AADACL2: variants seen among roughly 807,000 people sequenced by gnomAD.
The protein encoded by AADACL2 is arylacetamide deacetylase-like 2.
AADACL2 carries 23 observed loss-of-function variants against 22.3 expected under a neutral mutation model. The ratio of observed to expected loss-of-function variants is 1.03; its 90% CI spans 0.74 to 1.46. AADACL2 has a LOEUF of 1.46. Ranked by LOEUF, AADACL2 falls within the 40% of genes most tolerant of loss-of-function variation. The pLI is 0.00. For synonymous variants in AADACL2, 177 were observed against 166.2 expected, an observed-to-expected ratio of 1.07 and a Z score of -0.50; for missense variants, 472 against 482.9, an observed-to-expected ratio of 0.98 and a Z score of 0.21.
intron 1 of AADACL2, 96 bp from the exon 2 acceptor site, chr3:151,740,550 T>A (rs1713244136): frequency 1.3e-6 from 1 of 790,252 alleles, no homozygotes; most frequent in Non-Finnish European, 1.9e-6. Flanking sequence ...TTTGTTTACC[T>A]TGCTTATTTT....
intron 3 of AADACL2, among the ~76,000 whole-genome samples, chr3:151,744,569 T>C (rs886204507): frequency 1.3e-5 from 2 of 152,176 alleles, no homozygotes; most frequent in African/African-American, 2.4e-5. Flanking sequence ...TTTATATCTG[T>C]TTTGATATAA....
Position 151,740,833 on chromosome 3 carries a change from A to G in AADACL2, c.326A>G (p.Tyr109Cys), listed in dbSNP as rs147339731. Residue 109 changes from tyrosine (Y) to cysteine (C), a missense_variant, in exon 2 of 5, where the codon TAT becomes TGT. This residue lies in a region of AADACL2 where 356 missense variants were observed against 365.5 expected (regional missense o/e 0.97). Transcript: ENST00000356517. ...GAAACCCGAAGGCGAGCTGTGATAT[A>G]TTTTCATGGTGGTGGTTTTTGTTTT... Reference protein sequence around the residue: ...KSETRRRAVIYFHGGGFCFGS... With the variant: ...KSETRRRAVICFHGGGFCFGS... 749 of 1,613,842 alleles carry G rather than the reference A, an allele frequency of 4.6e-4. 6 individuals are homozygous for G. Among genetic ancestry groups the G allele is most frequent in the South Asian group, 8.1e-4 (74 of 91,070 alleles).
chr3:151,744,979 T>A (rs1713391875), intron 3 of AADACL2, among the ~76,000 whole-genome samples: 1 of 152,146 alleles, frequency 6.6e-6, no homozygotes, highest in African/African-American at 2.4e-5. Context: ...CTCTCTGGCA[T>A]ATTTAAATTT....
intron 1 of AADACL2, among the ~76,000 whole-genome samples, chr3:151,736,591 T>A (rs185553600): frequency 1.3e-5 from 2 of 152,298 alleles, no homozygotes. Context: ...TTTCTGTTCC[T>A]GTGTTAGTTT....
At chr3:151,745,113 A>G (rs1032291847) in intron 3 of AADACL2, among the ~76,000 whole-genome samples, 2 of 152,144 alleles carry the variant, frequency 1.3e-5, no homozygotes, top group African/African-American at 4.8e-5. Flanking sequence ...CACTGCCTAC[A>G]ATATGCTCTC....
At chr3:151,756,951 T>C in intron 4 of AADACL2, 41 bp from the exon 5 acceptor site, 1 of 1,516,104 alleles carries the variant, frequency 6.6e-7, no homozygotes, top group Non-Finnish European at 8.8e-7. Flanking sequence ...CCTGGTATTT[T>C]GGAAATGTTT....
At position 151,757,126 on chromosome 3, in the gene AADACL2, C is replaced by T. The variant is rs767498608; in HGVS notation, c.738C>T (p.Ala246=). The T allele has an allele frequency of 3.1e-6, 5 of 1,612,956 alleles. No individual in the cohort carries two copies. The highest frequency in any genetic ancestry group is 4.2e-6 in the Non-Finnish European group (5 of 1,179,576). Residue 246 remains alanine (A), a synonymous_variant, in exon 5 of 5, where the codon GCC becomes GCT. Transcript: ENST00000356517. The stretch of plus-strand genomic sequence containing the variant: ...GTATAGTTTTGACCAGGGATGTAGC[C>T]ATAAAACTCGTGAGCTTATATTTCA... ...EHGIVLTRDV[A]IKLVSLYFTK...
Position 151,758,305 on chromosome 3 carries a change from T to C in AADACL2, c.*711T>C, listed in dbSNP as rs1714024536. 1 of 152,178 alleles carries C rather than the reference T, an allele frequency of 6.6e-6. No individual in the cohort carries two copies. Among genetic ancestry groups the C allele is most frequent in the African/African-American group, 2.4e-5 (1 of 41,408 alleles). 9.4% of individuals were successfully genotyped at this position (152,178 alleles called of 1,614,324 possible). A position where few individuals can be genotyped will look rare whatever the true frequency, so the allele number is the denominator to read the frequency against. On this transcript the variant is annotated 3_prime_UTR_variant, in exon 5 of 5. Transcript: ENST00000356517. ...TTTCTGCTTCATCTTCACATTGCCT[T>C]CTTCTCTGCCTGTGTCTAATCTCCC...
intron 1 of AADACL2, among the ~76,000 whole-genome samples, chr3:151,740,171 G>T (rs962974424): frequency 1.3e-5 from 2 of 152,212 alleles, no homozygotes; most frequent in Admixed American, 6.5e-5. Flanking sequence ...TCTGCAGATT[G>T]CAAAAACCAT....
Position 151,734,121 on chromosome 3 carries a change from A to C in AADACL2, c.86A>C (p.Glu29Ala). ...FYTPMPDNIE[E>A]SWKIMALDAI... is the part of the protein sequence containing the mutation. ...ACACCCATGCCAGACAACATTGAAG[A>C]AAGCTGGAAAATAATGGCCTTGGAT... is the stretch of plus-strand genomic sequence containing the variant. Residue 29 changes from glutamate to alanine, a missense_variant, in exon 1 of 5, where the codon GAA becomes GCA. Glu to Ala is a moderately radical substitution (Grantham distance 107). Coordinates refer to ENST00000356517, the MANE Select transcript of AADACL2 (RefSeq NM_207365.4). 1 of 1,613,670 alleles carries C rather than the reference A, an allele frequency of 6.2e-7. No homozygotes were observed. The highest frequency in any genetic ancestry group is 8.5e-7 in the Non-Finnish European group (1 of 1,179,792).
chr3:151,734,269 A>G (rs1186020196), intron 1 of AADACL2, 96 bp downstream of exon 1: 2 of 1,301,780 alleles, frequency 1.5e-6, no homozygotes, highest in African/African-American at 1.5e-5. Flanking sequence ...TATTAATATC[A>G]CCATTTTGAA....
chr3:151,740,421 G>A (rs548997787), intron 1 of AADACL2, among the ~76,000 whole-genome samples: 4 of 152,180 alleles, frequency 2.6e-5, no homozygotes, highest in Non-Finnish European at 4.4e-5. Context: ...GCTGCAGACC[G>A]GAGCTGTTCC....
chr3:151,741,973 C>T (rs1713291792), intron 2 of AADACL2, among the ~76,000 whole-genome samples: 1 of 152,012 alleles, frequency 6.6e-6, no homozygotes, highest in Admixed American at 6.6e-5. Flanking sequence ...TGTCTTTTGT[C>T]AATATTTTGG....
chr3:151,759,679 T>C lies in AADACL2; in HGVS notation c.*2085T>C, dbSNP rs953495894. On this transcript the variant is annotated 3_prime_UTR_variant, in exon 5 of 5. Coordinates refer to ENST00000356517, the MANE Select transcript of AADACL2 (RefSeq NM_207365.4). ...CCAGTCAATCCTTTTTTATTTATTT[T>C]GTAAATTTGGTCCCAGAATATTTCT... The C allele has an allele frequency of 6.6e-6, 1 of 152,228 alleles. No homozygotes were observed. The highest frequency in any genetic ancestry group is 2.4e-5 in the African/African-American group (1 of 41,460). The allele number at this position is 152,228 out of a possible 1,614,324, so 9.4% of individuals were successfully genotyped here. A position where few individuals can be genotyped will look rare whatever the true frequency, so the allele number is the denominator to read the frequency against.
chr3:151,734,048 G>A lies in AADACL2; in HGVS notation c.13G>A (p.Ala5Thr). The change falls in exon 1 of 5, where the codon GCT (alanine) becomes ACT (threonine). Residue 5 changes from alanine (A) to threonine (T), a missense_variant. Coordinates refer to ENST00000356517, the MANE Select transcript of AADACL2 (RefSeq NM_207365.4). MGLK[A>T]LCLGLLCVLF... ...AAAAAGGGATATTATGGGGCTAAAA[G>A]CTCTCTGTTTGGGGCTGCTTTGTGT... 6.2e-7 allele frequency: 1 copy of A among 1,611,386 alleles called. No individual in the cohort carries two copies.
At chr3:151,738,493 G>C (rs1308077168) in intron 1 of AADACL2, among the ~76,000 whole-genome samples, 1 of 152,152 alleles carries the variant, frequency 6.6e-6, no homozygotes, top group African/African-American at 2.4e-5. Context: ...TTCTCAAGGA[G>C]TATCTTAGTG....
In AADACL2 at chr3:151,744,456, CAGAA is replaced by C. The variant is rs2107984144; in HGVS notation, c.431+295_431+298del. 1.3e-5 allele frequency among the ~76,000 whole-genome samples: 2 copies of C among 152,058 alleles called. 1 individual carries two copies. The highest frequency in any genetic ancestry group is 4.2e-4 in the South Asian group (2 of 4,800). ...TAGTGTCCCAAGTAACACAGCTGGA[CAGAA>C]GGAAGTATATTAACTATTACACATT... On this transcript the variant is annotated intron_variant, in intron 3 of 4. Transcript: ENST00000356517.
At chr3:151,734,563 A>G (rs1049568982) in intron 1 of AADACL2, among the ~76,000 whole-genome samples, 2 of 152,140 alleles carry the variant, frequency 1.3e-5, no homozygotes, top group South Asian at 4.1e-4. Flanking sequence ...GATATTTGTA[A>G]CTCTTTGATA....
intron 1 of AADACL2, among the ~76,000 whole-genome samples, chr3:151,737,234 G>A (rs796569948): frequency 1.9e-4 from 29 of 152,236 alleles, no homozygotes; most frequent in African/African-American, 6.7e-4. Flanking sequence ...AGTCATTCAG[G>A]AGCAAGTTGT....
Sources: allele counts gnomAD v4.1 joint callset (sites outside exome capture counted in the v4.1 genomes callset), GRCh38; gene constraint gnomAD v4.1.1; regional missense constraint gnomAD v4.1.1; transcripts MANE v1.5; gene names NCBI Gene and HGNC (gene_info 2026-07-23, HGNC 2026-07-21).